The following EPHB1 variants were observed in gnomAD, a reference collection of about 807,000 sequenced individuals.
EPHB1 encodes the protein ephrin type-B receptor 1.
Under a neutral mutation model 94.4 loss-of-function variants are expected in EPHB1, and 30 were observed. The ratio of observed to expected loss-of-function variants is 0.32; its 90% CI spans 0.24 to 0.43. The LOEUF (loss-of-function observed/expected upper bound fraction) is 0.43. EPHB1 is among the 20% of genes least tolerant of loss of function. The pLI, the probability that EPHB1 is intolerant of heterozygous loss-of-function variation, is 1.00. For missense variants in EPHB1, 1,055 were observed against 1,308.3 expected (o/e 0.81, Z 2.99); for synonymous variants, 522 against 489.1 (o/e 1.07, Z -0.89).
In EPHB1 at chr3:135,117,849, G is replaced by A. The variant is rs539638583; in HGVS notation, c.961+11246G>A. Reference sequence around the variant, plus strand: ...AAATGGCAATGAAGGGTGCTCAGTTGTGCAGGTTGGAGTGAACTTGCATGG... The same window carrying A: ...AAATGGCAATGAAGGGTGCTCAGTTATGCAGGTTGGAGTGAACTTGCATGG... On this transcript the variant is annotated intron_variant, in intron 4 of 15. Transcript: ENST00000398015. Among the ~76,000 whole-genome samples the A allele has an allele frequency of 7.2e-5, 11 of 152,306 alleles. No homozygotes were observed. The South Asian group carries it at 2.1e-3, about 29-fold the overall frequency.
At chr3:135,095,505 C>T (rs1938724207) in intron 3 of EPHB1, among the ~76,000 whole-genome samples, 2 of 152,196 alleles carry the variant, frequency 1.3e-5, no homozygotes, top group Admixed American at 1.3e-4. Flanking sequence ...ATTCATTTCC[C>T]AGCAACCAGT....
intron 12 of EPHB1, among the ~76,000 whole-genome samples, chr3:135,237,013 G>A (rs747573974): frequency 1.3e-4 from 20 of 152,046 alleles, no homozygotes; most frequent in Non-Finnish European, 2.5e-4. Flanking sequence ...ATGGTGTTAG[G>A]GACATCCATT....
At chr3:135,002,062 A>G (rs1351977996) in intron 3 of EPHB1, among the ~76,000 whole-genome samples, 4 of 152,212 alleles carry the variant, frequency 2.6e-5, no homozygotes, top group African/African-American at 9.7e-5. Context: ...AAAATGTGGT[A>G]TATATATTGA....
At chr3:134,805,133 G>T (rs962271578) in intron 1 of EPHB1, among the ~76,000 whole-genome samples, 4 of 152,184 alleles carry the variant, frequency 2.6e-5, no homozygotes, top group African/African-American at 7.2e-5. Context: ...TTGGGAAGGG[G>T]CCTCATTCCA....
chr3:135,074,631 G>T (rs1045406884), intron 3 of EPHB1, among the ~76,000 whole-genome samples: 2 of 152,194 alleles, frequency 1.3e-5, no homozygotes, highest in Non-Finnish European at 2.9e-5. Context: ...GGAAGGTGTT[G>T]GTCACTGATC....
intron 15 of EPHB1, among the ~76,000 whole-genome samples, chr3:135,254,642 C>G (rs1933287628): frequency 6.6e-6 from 1 of 151,926 alleles, no homozygotes; most frequent in South Asian, 2.1e-4. Context: ...ATTTTAGCAT[C>G]AATGTTCATC....
At chr3:135,173,194 C>T (rs943170257) in intron 9 of EPHB1, among the ~76,000 whole-genome samples, 1 of 151,494 alleles carries the variant, frequency 6.6e-6, no homozygotes, top group Admixed American at 6.6e-5. Context: ...GCCACTACGC[C>T]CGGCTAATTT....
chr3:135,168,481 G>A (rs186712206), intron 9 of EPHB1, among the ~76,000 whole-genome samples: 177 of 152,338 alleles, frequency 1.2e-3, no homozygotes, highest in Middle Eastern at 6.8e-3. Context: ...CGGACTGTGT[G>A]CCTTGCTGCA....
chr3:134,868,261 T>C (rs1160230668), intron 1 of EPHB1, among the ~76,000 whole-genome samples: 12 of 152,312 alleles, frequency 7.9e-5, no homozygotes, highest in Non-Finnish European at 1.8e-4. Context: ...GCTCTTACCA[T>C]TTTTTATCAG....
chr3:134,860,128 C>T lies in EPHB1; in HGVS notation c.58+64439C>T, dbSNP rs1395895705. Among the ~76,000 whole-genome samples, 8 of 119,528 alleles carry T rather than the reference C, an allele frequency of 6.7e-5. No individual in the cohort carries two copies. The Admixed American group carries it at 7.7e-4, about 12-fold the overall frequency. 78.4% of individuals were successfully genotyped at this position (119,528 alleles called of 152,430 possible). A position where few individuals can be genotyped will look rare whatever the true frequency, so the allele number is the denominator to read the frequency against. On this transcript the variant is annotated intron_variant, in intron 1 of 15. Coordinates refer to ENST00000398015, the MANE Select transcript of EPHB1 (RefSeq NM_004441.5). ...AAGTGCAGAGCTGTGTCATATTCAG[C>T]TGTAACAAAAGAGAAGGAAGGGACA...
In EPHB1 at chr3:135,154,176, A is replaced by G; in HGVS notation, c.1322A>G (p.His441Arg). Residue 441 changes from histidine (H) to arginine (R), a missense_variant, in exon 6 of 16, where the codon CAC becomes CGC. His to Arg is a conservative substitution (Grantham distance 29). Transcript: ENST00000398015. ...GCCCCCTCCACCGTTCCCATCATGC[A>G]CCAAGTCAGTGCCACTATGAGGAGC... Reference protein sequence around the residue: ...QAAPSTVPIMHQVSATMRSIT... With the variant: ...QAAPSTVPIMRQVSATMRSIT... 1 of 1,613,908 alleles carries G rather than the reference A, an allele frequency of 6.2e-7. No individual in the cohort carries two copies. The highest frequency in any genetic ancestry group is 8.5e-7 in the Non-Finnish European group (1 of 1,179,858).
In EPHB1 at chr3:134,795,700, C is replaced by T; in HGVS notation, c.58+11C>T. ...TGGCTGCGATGGAAGGTAACGTACC[C>T]TCCACGGAGCAAGTTGGCTGCTGGT... is the stretch of plus-strand genomic sequence containing the variant. On this transcript the variant is annotated intron_variant, in intron 1 of 15. Transcript: ENST00000398015. 1 of 1,608,604 alleles carries T rather than the reference C, an allele frequency of 6.2e-7. No individual in the cohort carries two copies. The highest frequency in any genetic ancestry group is 8.5e-7 in the Non-Finnish European group (1 of 1,177,774).
intron 3 of EPHB1, among the ~76,000 whole-genome samples, chr3:135,062,198 T>C (rs539143325): frequency 1.3e-5 from 2 of 152,294 alleles, no homozygotes; most frequent in South Asian, 4.1e-4. Context: ...TTCCTTGGGG[T>C]AGATATCCAG....
At chr3:135,006,790 A>G (rs1935432308) in intron 3 of EPHB1, among the ~76,000 whole-genome samples, 1 of 152,018 alleles carries the variant, frequency 6.6e-6, no homozygotes, top group African/African-American at 2.4e-5. Context: ...GGGAAAGTGT[A>G]TGCATTTTAA....
intron 3 of EPHB1, among the ~76,000 whole-genome samples, chr3:135,011,452 C>T (rs561728718): frequency 6.6e-6 from 1 of 152,238 alleles, no homozygotes; most frequent in African/African-American, 2.4e-5. Flanking sequence ...GAATAGTTTT[C>T]TGTTATATTT....
intron 3 of EPHB1, among the ~76,000 whole-genome samples, chr3:135,005,389 C>T (rs1313311291): frequency 2.0e-5 from 3 of 152,352 alleles, no homozygotes; most frequent in Admixed American, 6.5e-5. Context: ...TTTTAGTCTG[C>T]AGAGGAGACT....
intron 9 of EPHB1, among the ~76,000 whole-genome samples, chr3:135,168,326 G>T (rs1275542096): frequency 1.3e-5 from 2 of 152,200 alleles, no homozygotes; most frequent in African/African-American, 4.8e-5. Context: ...AAGTGTGGGG[G>T]CCCTCTAGGC....
intron 1 of EPHB1, among the ~76,000 whole-genome samples, chr3:134,916,497 C>T (rs1452289901): frequency 6.6e-6 from 1 of 152,228 alleles, no homozygotes; most frequent in East Asian, 1.9e-4. Context: ...AGGTCCCGAG[C>T]CTTGCCCCGT....
chr3:134,888,486 C>T (rs895250654), intron 1 of EPHB1, among the ~76,000 whole-genome samples: 9 of 151,962 alleles, frequency 5.9e-5, no homozygotes, highest in African/African-American at 1.7e-4. Flanking sequence ...GAGGCGGGCA[C>T]ATCACAAGGT....
Sources: allele counts gnomAD v4.1 joint callset (sites outside exome capture counted in the v4.1 genomes callset), GRCh38; gene constraint gnomAD v4.1.1; transcripts MANE v1.5; gene names NCBI Gene and HGNC (gene_info 2026-07-23, HGNC 2026-07-21).